The following ZNF385D variants were observed in gnomAD, a reference collection of about 807,000 sequenced individuals.
The protein encoded by ZNF385D is zinc finger protein 659.
ZNF385D carries 15 observed loss-of-function variants against 35.8 expected under a neutral mutation model. The ratio of observed to expected loss-of-function variants is 0.42; its 90% confidence interval spans 0.28 to 0.64. ZNF385D has a LOEUF of 0.64. ZNF385D is among the 30% of genes least tolerant of loss of function. The probability of loss-of-function intolerance (pLI) is 0.23; values close to 1 mark genes in which losing one functional copy is unlikely to be tolerated. For missense variants in ZNF385D, 474 were observed against 494.6 expected, an observed-to-expected ratio of 0.96 and a Z score of 0.39; for synonymous variants, 212 against 186.8, an observed-to-expected ratio of 1.13 and a Z score of -1.10.
chr3:22,030,489 G>GT (rs1255890862), intron 3 of ZNF385D, among the ~76,000 whole-genome samples: 1 of 150,890 alleles, frequency 6.6e-6, no homozygotes, highest in Non-Finnish European at 1.5e-5. Context: ...CACAGAGAGA[G>GT]AAAGAGAGTG....
chr3:22,167,184 G>A (rs992843872), intron 3 of ZNF385D, among the ~76,000 whole-genome samples: 1 of 152,096 alleles, frequency 6.6e-6, no homozygotes, highest in Non-Finnish European at 1.5e-5. Flanking sequence ...TTCCCATCTG[G>A]TGTGCTTTCC....
intron 3 of ZNF385D, among the ~76,000 whole-genome samples, chr3:22,028,313 G>C (rs1697695922): frequency 6.6e-6 from 1 of 152,114 alleles, no homozygotes; most frequent in Non-Finnish European, 1.5e-5. Context: ...TCTTTCACCA[G>C]CCACCTCTGT....
intron 3 of ZNF385D, among the ~76,000 whole-genome samples, chr3:21,516,594 C>T (rs1707581605): frequency 6.6e-6 from 1 of 152,154 alleles, no homozygotes; most frequent in Admixed American, 6.6e-5. Context: ...TGGCCACCTC[C>T]CCATAACTGG....
intron 2 of ZNF385D, among the ~76,000 whole-genome samples, chr3:22,315,296 A>G (rs1396107615): frequency 6.6e-6 from 1 of 152,152 alleles, no homozygotes; most frequent in Admixed American, 6.5e-5. Flanking sequence ...TGTTTTATAG[A>G]TATTTTAATT....
At chr3:22,156,962 T>G (rs1540843) in intron 3 of ZNF385D, among the ~76,000 whole-genome samples, 140,462 of 152,148 alleles carry the variant, frequency 0.92, 64,990 homozygotes, top group African/African-American at 0.98. Flanking sequence ...TCCCACAGAG[T>G]TCGCCTATTT....
chr3:21,833,362 G>A lies in ZNF385D; in HGVS notation c.326-168334C>T, dbSNP rs540414870. Reference sequence around the variant, plus strand: ...TAAATTAAGGATCTTAAGAGAAAAAGGTTACCCTGCATTATCCAGATGGAC... The same window carrying A: ...TAAATTAAGGATCTTAAGAGAAAAAAGTTACCCTGCATTATCCAGATGGAC... On this transcript the variant is annotated intron_variant, in intron 3 of 5. Transcript: ENST00000494108. 1.1e-4 allele frequency among the ~76,000 whole-genome samples: 16 copies of A among 152,208 alleles called. No homozygotes were observed. In the East Asian group the frequency reaches 2.9e-3, roughly 28 times the overall value.
intron 3 of ZNF385D, among the ~76,000 whole-genome samples, chr3:22,014,152 C>G (rs1171277301): frequency 6.6e-6 from 1 of 151,060 alleles, no homozygotes; most frequent in Non-Finnish European, 1.5e-5. Context: ...TTAATATTTA[C>G]AACAAAAAAC....
At chr3:22,179,149 G>A (rs1695042880) in intron 2 of ZNF385D, among the ~76,000 whole-genome samples, 1 of 152,130 alleles carries the variant, frequency 6.6e-6, no homozygotes, top group South Asian at 2.1e-4. Flanking sequence ...GATGGGGATG[G>A]CATGGAATCT....
At chr3:21,841,688 G>A (rs1250863087) in intron 3 of ZNF385D, among the ~76,000 whole-genome samples, 1 of 151,862 alleles carries the variant, frequency 6.6e-6, no homozygotes, top group Admixed American at 6.6e-5. Flanking sequence ...TTAAACACAA[G>A]TATAAGTATG....
intron 3 of ZNF385D, among the ~76,000 whole-genome samples, chr3:21,910,410 G>A (rs1012630293): frequency 8.6e-5 from 13 of 151,954 alleles, no homozygotes; most frequent in East Asian, 5.8e-4. Flanking sequence ...ATTTCAAAAT[G>A]AAGAGAGCCT....
At chr3:22,035,475 T>C (rs1698256024) in intron 3 of ZNF385D, among the ~76,000 whole-genome samples, 1 of 152,106 alleles carries the variant, frequency 6.6e-6, no homozygotes, top group South Asian at 2.1e-4. Context: ...ACACAAACCA[T>C]AAAAGATAGC....
At chr3:21,862,974 C>T (rs1479981) in intron 3 of ZNF385D, among the ~76,000 whole-genome samples, 67,084 of 151,968 alleles carry the variant, frequency 0.44, 15,120 homozygotes, top group African/African-American at 0.51. Context: ...CCACTTACCC[C>T]TCCTTTTCTG....
At chr3:21,930,625 A>G (rs532252278) in intron 3 of ZNF385D, among the ~76,000 whole-genome samples, 109 of 152,264 alleles carry the variant, frequency 7.2e-4, no homozygotes, top group African/African-American at 2.5e-3. Flanking sequence ...TGACAATGGC[A>G]TAAGGAAAGG....
At chr3:21,941,173 G>A (rs984721752) in intron 3 of ZNF385D, among the ~76,000 whole-genome samples, 1 of 152,134 alleles carries the variant, frequency 6.6e-6, no homozygotes, top group Non-Finnish European at 1.5e-5. Flanking sequence ...GAAGTCCCAG[G>A]AAACAAAATA....
intron 3 of ZNF385D, among the ~76,000 whole-genome samples, chr3:22,066,351 G>A (rs1280593188): frequency 2.0e-5 from 3 of 148,222 alleles, no homozygotes; most frequent in Non-Finnish European, 3.0e-5. Flanking sequence ...GATACTGGGC[G>A]AGATGGTTCC....
intron 2 of ZNF385D, among the ~76,000 whole-genome samples, chr3:22,231,257 C>T (rs1698871996): frequency 6.6e-6 from 1 of 152,162 alleles, no homozygotes; most frequent in African/African-American, 2.4e-5. Context: ...TGGAAGCCCA[C>T]ACCAAGGGCC....
At chr3:21,685,570 C>T (rs1207723778) in intron 1 of ZNF385D, among the ~76,000 whole-genome samples, 3 of 152,132 alleles carry the variant, frequency 2.0e-5, no homozygotes, top group Non-Finnish European at 4.4e-5. Context: ...GGTCTTGCTC[C>T]AACAAGAGGA....
rs1018812933 is a variant in ZNF385D, at chr3:22,094,210, T to G, written c.325+74607A>C. 4.7e-5 allele frequency among the ~76,000 whole-genome samples: 7 copies of G among 148,146 alleles called. No individual in the cohort carries two copies. The South Asian group carries it at 1.1e-3, about 24-fold the overall frequency. ...TTATTCATCTTTTGGTTGTTCATAT[T>G]GCATTGTCAAGTAGCATTTTTTTTT... On this transcript the variant is annotated intron_variant, in intron 3 of 5. Coordinates refer to the ZNF385D transcript ENST00000494108.
At chr3:21,974,688 T>C (rs184825857) in intron 3 of ZNF385D, among the ~76,000 whole-genome samples, 10,545 of 152,142 alleles carry the variant, frequency 0.069, 497 homozygotes, top group Non-Finnish European at 0.1. Flanking sequence ...AAGGGATTAC[T>C]AACCAGAATA....
Sources: allele counts gnomAD v4.1 joint callset (sites outside exome capture counted in the v4.1 genomes callset), GRCh38; gene constraint gnomAD v4.1.1; transcripts MANE v1.5; gene names NCBI Gene and HGNC (gene_info 2026-07-23, HGNC 2026-07-21).